HDX: variants seen among roughly 807,000 people sequenced by gnomAD.
The protein encoded by HDX is chromosome X open reading frame 43.
In HDX, 19 loss-of-function variants were observed where a neutral mutation model predicts 45.2. The ratio of observed to expected loss-of-function variants is 0.42; its 90% CI spans 0.29 to 0.62. HDX has a LOEUF of 0.62. Among genes scored for constraint, HDX ranks in the 20% least tolerant of loss-of-function variants. The pLI, the probability that HDX is intolerant of heterozygous loss-of-function variation, is 0.20. For missense variants in HDX, 532 were observed against 493.9 expected (o/e 1.08, Z -0.73); for synonymous variants, 188 against 172.8 (o/e 1.09, Z -0.69).
chrX:84,344,204 T>C (rs1220828099), intron 7 of HDX, 46 bp downstream of exon 7: 2 of 1,003,056 alleles, frequency 2.0e-6, no homozygotes, highest in Admixed American at 4.7e-5. Context: ...ACAAAATGCA[T>C]CAAATTTACA....
At chrX:84,437,492 C>A (rs2039664120) in intron 5 of HDX, among the ~76,000 whole-genome samples, 1 of 111,259 alleles carries the variant, frequency 9.0e-6, no homozygotes, top group Non-Finnish European at 1.9e-5. Context: ...TCCTGGCCTA[C>A]TTTTATTGGC....
intron 6 of HDX, among the ~76,000 whole-genome samples, chrX:84,353,529 C>G (rs753013786): frequency 9.0e-6 from 1 of 111,499 alleles, no homozygotes; most frequent in Non-Finnish European, 1.9e-5. Context: ...ATTCCTCAGC[C>G]TCCAGAACAA....
At chrX:84,323,278 T>A (rs988166177) in intron 10 of HDX, among the ~76,000 whole-genome samples, 5 of 111,182 alleles carry the variant, frequency 4.5e-5, no homozygotes, top group African/African-American at 1.6e-4. Flanking sequence ...GCTTTCTAAG[T>A]GGCTAGATTG....
intron 5 of HDX, among the ~76,000 whole-genome samples, chrX:84,425,480 G>A (rs1303151212): frequency 8.9e-6 from 1 of 111,953 alleles, no homozygotes; most frequent in Admixed American, 9.5e-5. Flanking sequence ...TATCCAAAAG[G>A]AAGGCAATCA....
At chrX:84,410,938 T>C (rs1228420894) in intron 5 of HDX, among the ~76,000 whole-genome samples, 1 of 108,253 alleles carries the variant, frequency 9.2e-6, no homozygotes, top group East Asian at 3.0e-4. Context: ...TTCTAGGTTT[T>C]CTAATTTGTA....
chrX:84,482,771 C>T (rs1275607033), intron 2 of HDX, among the ~76,000 whole-genome samples: 1 of 111,358 alleles, frequency 9.0e-6, no homozygotes, highest in Non-Finnish European at 1.9e-5. Context: ...TAATTCATTC[C>T]AGGATTAACC....
rs376915715 is a variant in HDX, at chrX:84,366,553, G to A, written c.1306-4941C>T. ...AATCCTAAGCAAAAAGAACAAAACT[G>A]GGGGCATCACGCTACCTGACTTTAA... is the stretch of plus-strand genomic sequence containing the variant. On this transcript the variant is annotated intron_variant, in intron 5 of 10. Transcript: ENST00000373177. 2.3e-4 allele frequency among the ~76,000 whole-genome samples: 26 copies of A among 111,658 alleles called. No individual in the cohort carries two copies. In the South Asian group the frequency reaches 9.8e-3, roughly 42 times the overall value.
At chrX:84,331,970 G>A (rs1555979046) in intron 9 of HDX, among the ~76,000 whole-genome samples, 1 of 111,539 alleles carries the variant, frequency 9.0e-6, no homozygotes, top group South Asian at 3.7e-4. Flanking sequence ...ATCATTAAGT[G>A]ATGCATAATG....
intron 5 of HDX, among the ~76,000 whole-genome samples, chrX:84,437,884 T>A (rs192000978): frequency 9.0e-6 from 1 of 111,271 alleles, no homozygotes; most frequent in Non-Finnish European, 1.9e-5. Context: ...TTCCTTGATA[T>A]TACTGCCTGG....
At chrX:84,347,403 T>C (rs1039311975) in intron 6 of HDX, among the ~76,000 whole-genome samples, 1 of 111,147 alleles carries the variant, frequency 9.0e-6, no homozygotes, top group Non-Finnish European at 1.9e-5. Flanking sequence ...GATTATTTAT[T>C]TGAGAGCTTC....
At chrX:84,413,718 G>C (rs1230447303) in intron 5 of HDX, among the ~76,000 whole-genome samples, 1 of 111,615 alleles carries the variant, frequency 9.0e-6, no homozygotes, top group Non-Finnish European at 1.9e-5. Flanking sequence ...TTTCTGAAGA[G>C]ACTTCATTGC....
intron 4 of HDX, among the ~76,000 whole-genome samples, chrX:84,456,312 C>A (rs1418720630): frequency 1.8e-5 from 2 of 110,999 alleles, no homozygotes; most frequent in Non-Finnish European, 3.8e-5. Flanking sequence ...GTTAAGTTGT[C>A]ATCAGTTTCA....
chrX:84,396,355 T>A lies in HDX; in HGVS notation c.1306-34743A>T, dbSNP rs2038563115. On this transcript the variant is annotated intron_variant, in intron 5 of 10. Transcript: ENST00000373177. ...TTATTGGTATCTATGATATCCTTGATGTTTTAGTGTGCAGTTATTACTGGA... is the reference window on the plus strand; with the variant it reads ...TTATTGGTATCTATGATATCCTTGAAGTTTTAGTGTGCAGTTATTACTGGA... Among the ~76,000 whole-genome samples the A allele has an allele frequency of 2.7e-5, 3 of 112,323 alleles. No individual in the cohort carries two copies. In the Admixed American group the frequency reaches 2.8e-4, roughly 11 times the overall value.
intron 6 of HDX, among the ~76,000 whole-genome samples, chrX:84,346,362 G>A (rs1363966019): frequency 2.7e-5 from 3 of 111,236 alleles, no homozygotes; most frequent in Non-Finnish European, 5.7e-5. Flanking sequence ...CAAGATTTTT[G>A]TAGATACATA....
At chrX:84,421,939 G>A (rs180999471) in intron 5 of HDX, among the ~76,000 whole-genome samples, 1 of 109,788 alleles carries the variant, frequency 9.1e-6, no homozygotes, top group Non-Finnish European at 1.9e-5. Context: ...AGAGAGATGG[G>A]TTCCAATACA....
At chrX:84,377,605 A>T in intron 5 of HDX, among the ~76,000 whole-genome samples, 1 of 111,512 alleles carries the variant, frequency 9.0e-6, no homozygotes, top group East Asian at 2.8e-4. Flanking sequence ...CAATTGATAT[A>T]CCAAAGAATG....
intron 5 of HDX, among the ~76,000 whole-genome samples, chrX:84,405,555 A>T (rs2038797201): frequency 9.6e-6 from 1 of 103,752 alleles, no homozygotes; most frequent in Non-Finnish European, 2.0e-5. Context: ...AGATTCAGTT[A>T]GATGACTGTA....
chrX:84,419,587 C>T (rs575187046), intron 5 of HDX, among the ~76,000 whole-genome samples: 1 of 112,080 alleles, frequency 8.9e-6, no homozygotes, highest in Non-Finnish European at 1.9e-5. Flanking sequence ...CCCAGGAAAC[C>T]TGGCCATTCT....
chrX:84,371,322 C>A (rs1322603675), intron 5 of HDX, among the ~76,000 whole-genome samples: 2 of 112,057 alleles, frequency 1.8e-5, no homozygotes, highest in African/African-American at 6.5e-5. Flanking sequence ...TGAGAAAACA[C>A]ATGTAAAATA....
Sources: gnomAD v4.1 joint callset for allele counts (sites outside exome capture counted in the v4.1 genomes callset) on GRCh38, gnomAD v4.1.1 for gene constraint, MANE v1.5 for transcripts, NCBI Gene and HGNC (gene_info 2026-07-23, HGNC 2026-07-21) for gene names.